The following KIT variants were observed in gnomAD, a reference collection of about 807,000 sequenced individuals.
KIT encodes the protein KIT proto-oncogene, receptor tyrosine kinase, also known as mast/stem cell growth factor receptor Kit.
In KIT, 16 loss-of-function variants were observed where a neutral mutation model predicts 105.7. The observed-to-expected ratio is 0.15, with a 90% CI of 0.10 to 0.23. The LOEUF (loss-of-function observed/expected upper bound fraction) is 0.23. Among genes scored for constraint, KIT ranks in the 10% least tolerant of loss-of-function variants. KIT has a pLI of 1.00. For missense variants in KIT, 858 were observed against 1,213.8 expected, an observed-to-expected ratio of 0.71 and a Z score of 4.36; for synonymous variants, 438 against 441.1, an observed-to-expected ratio of 0.99 and a Z score of 0.09.
At chr4:54,737,944 A>G (rs1015692315) in intron 20 of KIT, among the ~76,000 whole-genome samples, 1 of 152,144 alleles carries the variant, frequency 6.6e-6, no homozygotes, top group African/African-American at 2.4e-5. Context: ...TTTCTTTCCT[A>G]ATAGCACACC....
Position 54,726,540 on chromosome 4 carries a change from C to T in KIT, c.1540+490C>T, listed in dbSNP as rs183303250. 2.7e-3 allele frequency among the ~76,000 whole-genome samples: 408 copies of T among 152,324 alleles called. 1 individual carries two copies. The highest frequency in any genetic ancestry group is 9.4e-3 in the African/African-American group (389 of 41,574). ...ATTTGATTCATGTGTGACTAACTCT[C>T]TTAACAAGTTAAAAGATCTTTTGGG... On this transcript the variant is annotated intron_variant, in intron 9 of 20. Transcript: ENST00000288135.
At chr4:54,731,809 G>A (rs753245984) in intron 15 of KIT, 62 bp from the exon 16 acceptor site, 39 of 1,574,886 alleles carry the variant, frequency 2.5e-5, no homozygotes, top group Admixed American at 6.7e-5. Context: ...CATTGCCACT[G>A]TCTTTTCCTT....
At chr4:54,685,059 C>T (rs1398605558) in intron 1 of KIT, among the ~76,000 whole-genome samples, 2 of 152,164 alleles carry the variant, frequency 1.3e-5, no homozygotes, top group African/African-American at 2.4e-5. Flanking sequence ...ATAGAAGGCC[C>T]TGTGCACTGT....
At chr4:54,699,854 C>A in intron 4 of KIT, 88 bp downstream of exon 4, 1 of 1,435,726 alleles carries the variant, frequency 7.0e-7, no homozygotes, top group African/African-American at 1.4e-5. Context: ...CTGAAACTGC[C>A]TCGACTAGTG....
At chr4:54,669,243 G>A (rs151187989) in intron 1 of KIT, among the ~76,000 whole-genome samples, 8 of 150,936 alleles carry the variant, frequency 5.3e-5, no homozygotes, top group African/African-American at 2.0e-4. Flanking sequence ...AAATAAACCA[G>A]CATATGTAGA....
In KIT at chr4:54,676,676, A is replaced by C. The variant is rs536944550; in HGVS notation, c.67+18595A>C. Among the ~76,000 whole-genome samples, 10 of 152,310 alleles carry C rather than the reference A, an allele frequency of 6.6e-5. No homozygotes were observed. In the South Asian group the frequency reaches 2.1e-3, roughly 32 times the overall value. ...GATTAAAACCTGTCAGAGACTGCCC[A>C]GTGCTCTTGGAATAAAGTCTGTCTC... On this transcript the variant is annotated intron_variant, in intron 1 of 20. Coordinates refer to ENST00000288135, the MANE Select transcript of KIT (RefSeq NM_000222.3).
rs147363921 is a variant in KIT, at chr4:54,695,597, C to T, written c.153C>T (p.Gly51=). 3.2e-5 allele frequency: 52 copies of T among 1,613,992 alleles called. No homozygotes were observed. The highest frequency in any genetic ancestry group is 5.3e-5 in the African/African-American group (4 of 74,918). Residue 51 remains glycine, a synonymous_variant, in exon 2 of 21, where the codon GGC becomes GGT. Coordinates refer to ENST00000288135, the MANE Select transcript of KIT (RefSeq NM_000222.3). ...AATCAGACTTAATAGTCCGCGTGGG[C>T]GACGAGATTAGGCTGTTATGCACTG... ...PGKSDLIVRV[G]DEIRLLCTDP... is the part of the protein sequence containing the mutation.
chr4:54,736,190 G>C (rs921551941), intron 17 of KIT, among the ~76,000 whole-genome samples: 7 of 152,146 alleles, frequency 4.6e-5, no homozygotes, highest in Admixed American at 4.6e-4. Flanking sequence ...ACAAATCTCT[G>C]CATTACCTAA....
rs1723145706 is a variant in KIT at position 54,739,894 on chromosome 4, C to CT, written c.*1338dup. On this transcript the variant is annotated 3_prime_UTR_variant, in exon 21 of 21. Transcript: ENST00000288135. ...GCAGTTCACCTGCACTTAAGGCACT[C>CT]TGTTATTTAGACTCATCTTACTGTA... is the stretch of plus-strand genomic sequence containing the variant. 4.3e-6 allele frequency: 1 copy of CT among 233,358 alleles called. No individual in the cohort carries two copies. Among genetic ancestry groups the CT allele is most frequent in the Non-Finnish European group, 8.5e-6 (1 of 117,956 alleles). The allele number at this position is 233,358 out of a possible 1,614,324, so 14.5% of individuals were successfully genotyped here. A position where few individuals can be genotyped will look rare whatever the true frequency, so the allele number is the denominator to read the frequency against.
In KIT at chr4:54,723,687, A is replaced by T. The variant is rs1444951098; in HGVS notation, c.1335A>T (p.Gly445=). 2 of 1,605,468 alleles carry T rather than the reference A, an allele frequency of 1.2e-6. No individual in the cohort carries two copies. Among genetic ancestry groups the T allele is most frequent in the Admixed American group, 3.3e-5 (2 of 59,980 alleles). ...CAATAGATTGGTATTTTTGTCCAGG[A>T]ACTGAGCAGAGGTGAGATGATTATT... ...EPTIDWYFCP[G]TEQRCSASVL... is the part of the protein sequence containing the mutation. The change falls in exon 8 of 21, where the codon GGA becomes GGT. Residue 445 remains glycine, a synonymous_variant. Coordinates refer to ENST00000288135, the MANE Select transcript of KIT (RefSeq NM_000222.3).
At chr4:54,700,248 C>G (rs1720372400) in intron 4 of KIT, among the ~76,000 whole-genome samples, 1 of 152,278 alleles carries the variant, frequency 6.6e-6, no homozygotes, top group South Asian at 2.1e-4. Context: ...AGATGGGTTT[C>G]TTTTTGTAAG....
intron 1 of KIT, among the ~76,000 whole-genome samples, chr4:54,663,703 T>A (rs1420706003): frequency 6.6e-6 from 1 of 152,134 alleles, no homozygotes; most frequent in Admixed American, 6.5e-5. Flanking sequence ...AATAAGTACA[T>A]GTAGTTCACC....
chr4:54,728,271 AT>A, intron 13 of KIT, 150 bp downstream of exon 13: 1 of 713,390 alleles, frequency 1.4e-6, no homozygotes, highest in Non-Finnish European at 2.5e-6. Context: ...TGTTTTCCTC[AT>A]TGTTCTTAAG....
chr4:54,732,173 G>C (rs528073082), intron 16 of KIT, among the ~76,000 whole-genome samples, 175 bp downstream of exon 16: 20 of 148,384 alleles, frequency 1.3e-4, no homozygotes, highest in African/African-American at 4.7e-4. Context: ...TCCAACTGCT[G>C]TCTCTTTGGA....
chr4:54,705,985 C>T (rs1577965782), intron 5 of KIT, among the ~76,000 whole-genome samples: 1 of 152,178 alleles, frequency 6.6e-6, no homozygotes, highest in East Asian at 1.9e-4. Context: ...AAATGGTGGC[C>T]ATAAAAATAA....
At chr4:54,670,359 T>C (rs1718021658) in intron 1 of KIT, among the ~76,000 whole-genome samples, 1 of 152,212 alleles carries the variant, frequency 6.6e-6, no homozygotes, top group Admixed American at 6.5e-5. Flanking sequence ...CTGGGATTCT[T>C]AGGCCCTCAG....
chr4:54,699,964 A>G (rs1190463604), intron 4 of KIT, among the ~76,000 whole-genome samples, 198 bp downstream of exon 4: 1 of 152,194 alleles, frequency 6.6e-6, no homozygotes, highest in Non-Finnish European at 1.5e-5. Context: ...TTAGTAACAA[A>G]TAAATTTCAT....
chr4:54,707,733 A>C (rs1009741036), intron 6 of KIT, among the ~76,000 whole-genome samples: 1 of 152,258 alleles, frequency 6.6e-6, no homozygotes, highest in African/African-American at 2.4e-5. Flanking sequence ...TCCTCAAAAC[A>C]TTATAGTAAA....
intron 1 of KIT, 118 bp from the exon 2 acceptor site, chr4:54,695,394 C>A: frequency 2.0e-6 from 2 of 1,011,518 alleles, no homozygotes; most frequent in Non-Finnish European, 3.1e-6. Flanking sequence ...AATAGCAGGG[C>A]AGCTTTGTCC....
Sources: gnomAD v4.1 joint callset for allele counts (sites outside exome capture counted in the v4.1 genomes callset) on GRCh38, gnomAD v4.1.1 for gene constraint, MANE v1.5 for transcripts, NCBI Gene and HGNC (gene_info 2026-07-23, HGNC 2026-07-21) for gene names.